The following PPP2R3B variants were observed in gnomAD, a reference collection of about 807,000 sequenced individuals.
PPP2R3B encodes the protein serine/threonine-protein phosphatase 2A regulatory subunit B'' subunit beta.
In PPP2R3B, 68 loss-of-function variants were observed where a neutral mutation model predicts 72.9. The ratio of observed to expected loss-of-function variants is 0.93; its 90% CI spans 0.77 to 1.14. PPP2R3B has a LOEUF of 1.14. Ranked by LOEUF, PPP2R3B falls within the 50% of genes most tolerant of loss-of-function variation. The pLI, the probability that PPP2R3B is intolerant of heterozygous loss-of-function variation, is 0.00. For missense variants in PPP2R3B, 1,018 were observed against 842.0 expected, an observed-to-expected ratio of 1.21 and a Z score of -2.59; for synonymous variants, 466 against 375.8, an observed-to-expected ratio of 1.24 and a Z score of -2.78.
At chrX:363,265 A>G (rs2071583420) in intron 1 of PPP2R3B, among the ~76,000 whole-genome samples, 1 of 151,750 alleles carries the variant, frequency 6.6e-6, no homozygotes, top group African/African-American at 2.4e-5. Flanking sequence ...ATGATCCCGC[A>G]GTGCATCTCC....
In PPP2R3B at chrX:379,432, G is replaced by T. The variant is rs185981812; in HGVS notation, c.324+6936C>A. 4.1e-3 allele frequency among the ~76,000 whole-genome samples: 612 copies of T among 149,958 alleles called. 1 individual carries two copies. The highest frequency in any genetic ancestry group is 7.1e-3 in the Non-Finnish European group (481 of 67,388). On this transcript the variant is annotated intron_variant, in intron 1 of 12. Transcript: ENST00000390665. ...TATGTGTGTATGCACCTGTGTTTGTGCATATGCACCTGTGTGTGTGTATGC... is the reference window on the plus strand; with the variant it reads ...TATGTGTGTATGCACCTGTGTTTGTTCATATGCACCTGTGTGTGTGTATGC...
rs200379408 is a variant in PPP2R3B at position 341,421 on chromosome X, G to A, written c.1086-25C>T. ...TCTAGATCGAAAGCCAGGATGGAGA[G>A]ACGAAGATGCATGTCAGGGAGAGCT... On this transcript the variant is annotated intron_variant, in intron 8 of 12. Coordinates refer to ENST00000390665, the MANE Select transcript of PPP2R3B (RefSeq NM_013239.5). The A allele has an allele frequency of 3.4e-4, 542 of 1,608,172 alleles. 3 individuals are homozygous for A. The African/African-American group carries it at 6.8e-3, about 20-fold the overall frequency.
intron 1 of PPP2R3B, among the ~76,000 whole-genome samples, chrX:385,320 C>CTTTTTTT (rs1178231888): frequency 1.3e-5 from 1 of 75,658 alleles, no homozygotes; most frequent in African/African-American, 5.1e-5. Context: ...TTTTAGTTTT[C>CTTTTTTT]TTTTTTTTTT....
At position 346,706 on chromosome X, in the gene PPP2R3B, T is replaced by C; in HGVS notation, c.787A>G (p.Thr263Ala). 1 of 1,608,240 alleles carries C rather than the reference T, an allele frequency of 6.2e-7. No homozygotes were observed. Residue 263 changes from threonine (T) to alanine (A), a missense_variant, in exon 5 of 13, where the codon ACC becomes GCC. Thr to Ala is a moderately conservative substitution (Grantham distance 58). Coordinates refer to ENST00000390665, the MANE Select transcript of PPP2R3B (RefSeq NM_013239.5). ...CCCCTCCGCTGGGGACCCACCGTGG[T>C]GATGTAGCGCGAGTGGAACTCGGAC... The part of the protein sequence containing the change: ...EASEFHSRYI[T>A]TVIQRIFYAV...
At position 338,831 on chromosome X, in the gene PPP2R3B, T is replaced by G; in HGVS notation, c.1417A>C (p.Asn473His). Residue 473 changes from asparagine to histidine, a missense_variant, in exon 11 of 13, where the codon AAC (asparagine) becomes CAC (histidine). By Grantham distance (68) the Asn-to-His change is moderately conservative. Coordinates refer to ENST00000390665, the MANE Select transcript of PPP2R3B (RefSeq NM_013239.5). ...TCGTGGTCGAGGTACTTCTCGATGT[T>G]GAAGAAGGTGTCGAAGAAGACGTTA... ...LANVFFDTFF[N>H]IEKYLDHEQK... The G allele has an allele frequency of 6.2e-7, 1 of 1,612,436 alleles. No individual in the cohort carries two copies. Among genetic ancestry groups the G allele is most frequent in the East Asian group, 2.2e-5 (1 of 44,868 alleles).
At chrX:379,793 C>T (rs28469284) in intron 1 of PPP2R3B, among the ~76,000 whole-genome samples, 17,940 of 152,056 alleles carry the variant, frequency 0.12, 1,088 homozygotes, top group African/African-American at 0.15. Context: ...CAAAGCAATC[C>T]CAATCAAAAT....
At position 334,091 on chromosome X, in the gene PPP2R3B, C is replaced by CGGAACCCAGGCT; in HGVS notation, c.*264_*275dup. The CGGAACCCAGGCT allele has an allele frequency of 2.9e-6, 1 of 350,208 alleles. No individual in the cohort carries two copies. The highest frequency in any genetic ancestry group is 5.1e-6 in the Non-Finnish European group (1 of 195,542). The allele number at this position is 350,208 out of a possible 1,614,324, so 21.7% of individuals were successfully genotyped here. On this transcript the variant is annotated 3_prime_UTR_variant, in exon 13 of 13. Transcript: ENST00000390665. ...GGACCCTTTCCACAGACGCAGGCCCCGGAACCCAGGCTGGGTCGGGAACGG... is the reference window on the plus strand; with the variant it reads ...GGACCCTTTCCACAGACGCAGGCCCCGGAACCCAGGCTGGAACCCAGGCTGGGTCGGGAACGG...
In PPP2R3B at chrX:371,238, G is replaced by A. The variant is rs375033024; in HGVS notation, c.325-9648C>T. Among the ~76,000 whole-genome samples the A allele has an allele frequency of 1.5e-4, 23 of 152,206 alleles. 1 individual carries two copies. The highest frequency in any genetic ancestry group is 5.5e-4 in the African/African-American group (23 of 41,546). On this transcript the variant is annotated intron_variant, in intron 1 of 12. Coordinates refer to ENST00000390665, the MANE Select transcript of PPP2R3B (RefSeq NM_013239.5). Reference sequence around the variant, plus strand: ...GGGTCCTACAGTGAGAGCATGAGCCGTGTAACACGCCATCGTCACACGGGA... The same window carrying A: ...GGGTCCTACAGTGAGAGCATGAGCCATGTAACACGCCATCGTCACACGGGA...
chrX:338,729 T>TG lies in PPP2R3B; in HGVS notation c.1471-20_1471-19insC. On this transcript the variant is annotated intron_variant, in intron 11 of 12. Coordinates refer to ENST00000390665, the MANE Select transcript of PPP2R3B (RefSeq NM_013239.5). Reference sequence around the variant, plus strand: ...CACCGTCCTGGAGGAAGCACACGGGTTACGTACACGGCGTGGCGCGGCCCG... The same window carrying TG: ...CACCGTCCTGGAGGAAGCACACGGGTGTACGTACACGGCGTGGCGCGGCCCG... The TG allele has an allele frequency of 6.2e-7, 1 of 1,611,762 alleles. No individual in the cohort carries two copies. The highest frequency in any genetic ancestry group is 8.5e-7 in the Non-Finnish European group (1 of 1,179,486).
Position 354,395 on chromosome X carries a change from G to T in PPP2R3B, c.511-6702C>A, listed in dbSNP as rs1433250821. 2.0e-5 allele frequency among the ~76,000 whole-genome samples: 3 copies of T among 152,338 alleles called. 1 individual carries two copies. Among genetic ancestry groups the T allele is most frequent in the Admixed American group, 2.0e-4 (3 of 15,302 alleles). Reference sequence around the variant, plus strand: ...GCACGCTGCGGTGGAACAGGGACCGGGGGCTCACCCAAGGACCGGGGCTGC... The same window carrying T: ...GCACGCTGCGGTGGAACAGGGACCGTGGGCTCACCCAAGGACCGGGGCTGC... On this transcript the variant is annotated intron_variant, in intron 2 of 12. Transcript: ENST00000390665.
At chrX:379,089 A>G (rs1191697712) in intron 1 of PPP2R3B, among the ~76,000 whole-genome samples, 2 of 141,814 alleles carry the variant, frequency 1.4e-5, no homozygotes, top group African/African-American at 2.7e-5. Context: ...GTATGCACCT[A>G]CGTGTGTGTG....
At chrX:379,472 G>A (rs1301072839) in intron 1 of PPP2R3B, among the ~76,000 whole-genome samples, 1 of 152,202 alleles carries the variant, frequency 6.6e-6, no homozygotes, top group Non-Finnish European at 1.5e-5. Context: ...GTGTGTTTGT[G>A]TGTATGCACC....
intron 7 of PPP2R3B, chrX:345,199 T>A (rs2071171446): frequency 1.7e-6 from 1 of 604,834 alleles, no homozygotes; most frequent in African/African-American, 1.8e-5. Context: ...TGCCCGCCCT[T>A]GCTCGGGTGT....
chrX:341,569 C>A, intron 8 of PPP2R3B, 173 bp from the exon 9 acceptor site: 1 of 719,596 alleles, frequency 1.4e-6, no homozygotes, highest in South Asian at 1.7e-5. Context: ...GGCCCCGTGG[C>A]CAGAGGGTTT....
chrX:347,155 GC>G, intron 4 of PPP2R3B, 78 bp downstream of exon 4: 1 of 80,294 alleles, frequency 1.2e-5, no homozygotes, highest in Non-Finnish European at 2.1e-5. Context: ...GTAGACGCCG[GC>G]CCTCCCATGA....
chrX:347,559 GAC>G, intron 3 of PPP2R3B, 29 bp downstream of exon 3: 2 of 1,553,026 alleles, frequency 1.3e-6, no homozygotes, highest in Non-Finnish European at 1.7e-6. Context: ...CCGCCCTCCC[GAC>G]ACAGCCCCCT....
At chrX:370,854 A>G (rs1235066932) in intron 1 of PPP2R3B, among the ~76,000 whole-genome samples, 6 of 152,196 alleles carry the variant, frequency 3.9e-5, no homozygotes, top group Admixed American at 1.3e-4. Context: ...GTCAGTTCCA[A>G]GTACAGCGGG....
At chrX:364,247 G>T (rs1198501248) in intron 1 of PPP2R3B, among the ~76,000 whole-genome samples, 1 of 152,216 alleles carries the variant, frequency 6.6e-6, no homozygotes, top group Admixed American at 6.5e-5. Flanking sequence ...CCCCAGGAAT[G>T]AAAGTAGCAG....
chrX:334,345 GGCGGC>G lies in PPP2R3B; in HGVS notation c.*17_*21del. 1 of 1,454,602 alleles carries G rather than the reference GGCGGC, an allele frequency of 6.9e-7. No individual in the cohort carries two copies. The highest frequency in any genetic ancestry group is 2.6e-5 in the East Asian group (1 of 38,352). 90.1% of individuals were successfully genotyped at this position (1,454,602 alleles called of 1,614,324 possible). A position where few individuals can be genotyped will look rare whatever the true frequency, so the allele number is the denominator to read the frequency against. ...GGTGGCACGTGGGGAGCGGCCCCGC[GGCGGC>G]GTTCTCGCGGGCGGCGTCACAGCGG... On this transcript the variant is annotated 3_prime_UTR_variant, in exon 13 of 13. Transcript: ENST00000390665.
Sources: allele counts gnomAD v4.1 joint callset (sites outside exome capture counted in the v4.1 genomes callset), GRCh38; gene constraint gnomAD v4.1.1; transcripts MANE v1.5; gene names NCBI Gene and HGNC (gene_info 2026-07-23, HGNC 2026-07-21).